Variants in ERP44 observed in about 807,000 individuals in gnomAD.
ERP44 encodes the protein endoplasmic reticulum protein 44, also known as endoplasmic reticulum resident protein 44.
ERP44 carries 25 observed loss-of-function variants against 53.4 expected under a neutral mutation model. That is an observed-to-expected ratio of 0.47 (90% CI 0.34 to 0.65). ERP44 has a LOEUF of 0.65. Among genes scored for constraint, ERP44 ranks in the 30% least tolerant of loss-of-function variants. The pLI, the probability that ERP44 is intolerant of heterozygous loss-of-function variation, is 0.01. For synonymous variants in ERP44, 145 were observed against 161.2 expected (o/e 0.90, Z 0.76); for missense variants, 338 against 493.2 (o/e 0.69, Z 2.98).
chr9:100,062,885 C>T (rs899325313), intron 1 of ERP44, among the ~76,000 whole-genome samples: 1 of 151,736 alleles, frequency 6.6e-6, no homozygotes, highest in African/African-American at 2.4e-5. Context: ...CCTGCCTAGG[C>T]AACATAGCAA....
Position 100,063,075 on chromosome 9 carries a change from C to CAAAAAA in ERP44, c.58-2909_58-2904dup, listed in dbSNP as rs58004954. On this transcript the variant is annotated intron_variant, in intron 1 of 11. Transcript: ENST00000262455. Reference sequence around the variant, plus strand: ...GATGACAGAACAGGACCCTGTCTCACAAAAAAAAAAAAAAAAAAGAGAGAG... The same window carrying CAAAAAA: ...GATGACAGAACAGGACCCTGTCTCACAAAAAAAAAAAAAAAAAAAAAAAAGAGAGAG... Among the ~76,000 whole-genome samples the CAAAAAA allele has an allele frequency of 4.4e-3, 178 of 40,058 alleles. 32 individuals carry two copies. In the East Asian group the frequency reaches 0.081, roughly 18 times the overall value. 26.3% of individuals were successfully genotyped at this position (40,058 alleles called of 152,430 possible).
chr9:99,996,921 A>ATG (rs1554706045), intron 10 of ERP44, among the ~76,000 whole-genome samples: 3 of 19,724 alleles, frequency 1.5e-4, no homozygotes, highest in African/African-American at 1.0e-3. Context: ...ATATATATAT[A>ATG]TGTATATATA....
chr9:100,024,901 T>G (rs1188557766), intron 4 of ERP44, among the ~76,000 whole-genome samples: 4 of 152,278 alleles, frequency 2.6e-5, no homozygotes, highest in Admixed American at 2.0e-4. Flanking sequence ...AGTTTGATGA[T>G]TCACATAATT....
chr9:99,994,737 C>G (rs1016774342), intron 10 of ERP44, among the ~76,000 whole-genome samples: 5 of 152,126 alleles, frequency 3.3e-5, no homozygotes, highest in African/African-American at 1.2e-4. Context: ...ACTCTTTCAC[C>G]TATACTACAC....
intron 4 of ERP44, among the ~76,000 whole-genome samples, chr9:100,049,103 T>C (rs1315550617): frequency 2.0e-5 from 3 of 152,188 alleles, no homozygotes; most frequent in South Asian, 4.1e-4. Flanking sequence ...ATTCACAATA[T>C]ATAAAGAACT....
chr9:100,053,102 C>A (rs970934852), intron 3 of ERP44, among the ~76,000 whole-genome samples: 4 of 152,024 alleles, frequency 2.6e-5, no homozygotes, highest in Non-Finnish European at 4.4e-5. Context: ...GACCTCTCCA[C>A]CTGGCTAGTT....
intron 1 of ERP44, among the ~76,000 whole-genome samples, chr9:100,068,637 C>T (rs1405451781): frequency 1.4e-5 from 2 of 146,850 alleles, no homozygotes; most frequent in African/African-American, 5.0e-5. Flanking sequence ...GCCCCCCACC[C>T]GGCCAGCCGC....
intron 10 of ERP44, among the ~76,000 whole-genome samples, chr9:99,992,126 C>T (rs1424441863): frequency 6.6e-6 from 1 of 152,118 alleles, no homozygotes; most frequent in Non-Finnish European, 1.5e-5. Context: ...GAAACTATTC[C>T]AATCAATAGA....
At position 100,007,662 on chromosome 9, in the gene ERP44, G is replaced by A. The variant is rs1830435272; in HGVS notation, c.790C>T (p.Leu264Phe). 1 of 1,597,112 alleles carries A rather than the reference G, an allele frequency of 6.3e-7. No homozygotes were observed. The highest frequency in any genetic ancestry group is 8.6e-7 in the Non-Finnish European group (1 of 1,164,740). ...EELTEEGLPF[L>F]ILFHMKEDTE... ...TCTTCTTTCATGTGAAAGAGTATGA[G>A]AAAAGGCAGTCCTTCTTCTGTCAAT... The change falls in exon 9 of 12, where the codon CTC becomes TTC. Residue 264 changes from leucine to phenylalanine, a missense_variant. Leu to Phe is a conservative substitution (Grantham distance 22, BLOSUM62 0). Around this residue, in one of 3 missense-constraint regions of ERP44, gnomAD observed 1 missense variants for 19.2 expected, o/e 0.05. Coordinates refer to ENST00000262455, the MANE Select transcript of ERP44 (RefSeq NM_015051.3).
intron 8 of ERP44, among the ~76,000 whole-genome samples, chr9:100,010,808 G>A (rs1272356906): frequency 1.3e-5 from 2 of 151,762 alleles, no homozygotes; most frequent in Admixed American, 6.6e-5. Context: ...GGCTGAGGCA[G>A]GAGAATCCCT....
intron 8 of ERP44, among the ~76,000 whole-genome samples, chr9:100,010,557 A>T (rs1253802046): frequency 1.8e-4 from 27 of 152,102 alleles, no homozygotes; most frequent in Admixed American, 1.8e-3. Context: ...AAATTTTTTT[A>T]AAAATTGTAA....
intron 1 of ERP44, among the ~76,000 whole-genome samples, chr9:100,069,813 G>A (rs1015265495): frequency 9.9e-5 from 15 of 152,018 alleles, no homozygotes; most frequent in Non-Finnish European, 1.5e-5. Context: ...AACAAAATTT[G>A]TTGCAATTCA....
intron 4 of ERP44, among the ~76,000 whole-genome samples, chr9:100,050,118 C>T (rs1227510284): frequency 6.6e-6 from 1 of 150,774 alleles, no homozygotes; most frequent in Non-Finnish European, 1.5e-5. Context: ...GCAAACCAAT[C>T]TCCAGTGATG....
At chr9:100,068,493 G>A (rs1826257272) in intron 1 of ERP44, among the ~76,000 whole-genome samples, 1 of 140,660 alleles carries the variant, frequency 7.1e-6, no homozygotes, top group East Asian at 2.3e-4. Context: ...CCTCTGCCCG[G>A]CCAGCCGCCC....
chr9:99,990,541 T>A (rs1028765610), intron 10 of ERP44, among the ~76,000 whole-genome samples: 9 of 152,206 alleles, frequency 5.9e-5, no homozygotes, highest in African/African-American at 1.7e-4. Flanking sequence ...GAACAACCAG[T>A]ACCAGCCACT....
chr9:100,054,850 G>A (rs1005338883), intron 3 of ERP44, among the ~76,000 whole-genome samples: 1 of 152,130 alleles, frequency 6.6e-6, no homozygotes, highest in Non-Finnish European at 1.5e-5. Context: ...ACATGGAAAT[G>A]TTACATTTAT....
In ERP44 at chr9:100,023,926, G is replaced by A. The variant is rs963885087; in HGVS notation, c.287-1700C>T. Among the ~76,000 whole-genome samples the A allele has an allele frequency of 5.9e-5, 9 of 152,182 alleles. No homozygotes were observed. In the South Asian group the frequency reaches 8.3e-4, roughly 14 times the overall value. ...TCCCAGAAGTTTGGGAGAATGAGGC[G>A]GGTGGATCACTTGAGGTCAGGAGTT... is the stretch of plus-strand genomic sequence containing the variant. On this transcript the variant is annotated intron_variant, in intron 4 of 11. Coordinates refer to ENST00000262455, the MANE Select transcript of ERP44 (RefSeq NM_015051.3).
chr9:100,083,303 A>G (rs1172118384), intron 1 of ERP44, among the ~76,000 whole-genome samples: 1 of 152,160 alleles, frequency 6.6e-6, no homozygotes, highest in African/African-American at 2.4e-5. Flanking sequence ...CATCAATACA[A>G]TGGAATTCTA....
intron 10 of ERP44, among the ~76,000 whole-genome samples, chr9:99,988,282 T>A (rs1269197652): frequency 6.6e-6 from 1 of 152,208 alleles, no homozygotes; most frequent in African/African-American, 2.4e-5. Context: ...GAAGACCAAT[T>A]TATAAATGAT....
Sources: gnomAD v4.1 joint callset for allele counts (sites outside exome capture counted in the v4.1 genomes callset) on GRCh38, gnomAD v4.1.1 for gene constraint, gnomAD v4.1.1 regional missense constraint, MANE v1.5 for transcripts, NCBI Gene and HGNC (gene_info 2026-07-23, HGNC 2026-07-21) for gene names.